The following KCNK10 variants were observed in gnomAD, a reference collection of about 807,000 sequenced individuals.
The protein encoded by KCNK10 is potassium two pore domain channel subfamily K member 10.
A neutral mutation model predicts 47.7 loss-of-function variants in KCNK10; 25 were observed. The observed-to-expected ratio is 0.52, with a 90% CI of 0.38 to 0.73. The LOEUF (loss-of-function observed/expected upper bound fraction) is 0.73. KCNK10 is among the 30% of genes least tolerant of loss of function. KCNK10 has a pLI of 0.00. For synonymous variants in KCNK10, 303 were observed against 285.6 expected, an observed-to-expected ratio of 1.06 and a Z score of -0.61; for missense variants, 563 against 714.5, an observed-to-expected ratio of 0.79 and a Z score of 2.42.
At chr14:88,198,195 C>A (rs866476574) in intron 4 of KCNK10, among the ~76,000 whole-genome samples, 3 of 152,282 alleles carry the variant, frequency 2.0e-5, no homozygotes, top group Middle Eastern at 6.8e-3. Flanking sequence ...GTCTCAGAGG[C>A]AGGAAAACTC....
chr14:88,295,529 G>A (rs868787888), intron 1 of KCNK10, among the ~76,000 whole-genome samples: 4 of 151,966 alleles, frequency 2.6e-5, no homozygotes, highest in African/African-American at 4.8e-5. Context: ...GCGTGGTGGC[G>A]GGCACCTGTA....
intron 1 of KCNK10, among the ~76,000 whole-genome samples, chr14:88,318,080 A>G (rs1314149930): frequency 2.0e-5 from 3 of 152,236 alleles, no homozygotes; most frequent in Non-Finnish European, 4.4e-5. Context: ...AAGAAGGAAA[A>G]CAGCGCACTG....
chr14:88,326,759 T>C, upstream of KCNK10: 1 of 367,694 alleles, frequency 2.7e-6, no homozygotes, highest in Non-Finnish European at 4.9e-6. Context: ...CTTTAATGAA[T>C]GCCGTGTGGC....
chr14:88,200,555 G>C (rs550687617), intron 4 of KCNK10, among the ~76,000 whole-genome samples: 1 of 152,246 alleles, frequency 6.6e-6, no homozygotes, highest in South Asian at 2.1e-4. Flanking sequence ...TAGATAAGAA[G>C]GAAATACAGC....
At chr14:88,213,919 A>AC (rs1885535191) in intron 4 of KCNK10, among the ~76,000 whole-genome samples, 1 of 94,444 alleles carries the variant, frequency 1.1e-5, no homozygotes, top group African/African-American at 4.6e-5. Context: ...TTTTTATTTT[A>AC]CTTTATTATT....
rs550568160 is a variant in KCNK10 at position 88,186,520 on chromosome 14, A to G, written c.1012-365T>C. Among the ~76,000 whole-genome samples the G allele has an allele frequency of 6.6e-6, 1 of 152,288 alleles. No homozygotes were observed. Among genetic ancestry groups the G allele is most frequent in the South Asian group, 2.1e-4 (1 of 4,822 alleles). ...TCAATTGCATGGCCTCATTCCCCCA[A>G]CATACACTTGAGTGACCATATATAG... On this transcript the variant is annotated intron_variant, in intron 6 of 6. Coordinates refer to ENST00000319231, the MANE Select transcript of KCNK10 (RefSeq NM_138317.3). This position sits in a 1 kb window ranked among gnomAD's most constrained non-coding sequence, Gnocchi z 5.5.
intron 3 of KCNK10, chr14:88,235,309 C>G (rs1049091052): frequency 4.4e-6 from 2 of 449,698 alleles, no homozygotes; most frequent in Non-Finnish European, 8.9e-6. Flanking sequence ...AGAAGTTGAC[C>G]CAGCATAAAT....
intron 4 of KCNK10, among the ~76,000 whole-genome samples, chr14:88,200,757 G>T (rs942788103): frequency 6.6e-6 from 1 of 152,090 alleles, no homozygotes; most frequent in Admixed American, 6.5e-5. Flanking sequence ...GTCAGATATT[G>T]AGCTAACTTC....
chr14:88,207,821 TG>T (rs1885331160), intron 4 of KCNK10, among the ~76,000 whole-genome samples: 1 of 152,056 alleles, frequency 6.6e-6, no homozygotes, highest in Non-Finnish European at 1.5e-5. Flanking sequence ...GTGAGATGAA[TG>T]TTATTCTTGG....
chr14:88,243,426 C>T (rs943495342), intron 2 of KCNK10, among the ~76,000 whole-genome samples: 2 of 152,180 alleles, frequency 1.3e-5, no homozygotes, highest in Non-Finnish European at 2.9e-5. Flanking sequence ...TGGCCCAAAG[C>T]GGATGGTTTT....
At position 88,186,259 on chromosome 14, in the gene KCNK10, T is replaced by A; in HGVS notation, c.1012-104A>T. On this transcript the variant is annotated intron_variant, in intron 6 of 6. Coordinates refer to ENST00000319231, the MANE Select transcript of KCNK10 (RefSeq NM_138317.3). This position sits in a 1 kb window ranked among gnomAD's most constrained non-coding sequence, Gnocchi z 5.5. ...GTGTCCCCACGGGGAGGCCAGGAGG[T>A]GACGGAGCACATGCCCAGGGGGAGG... The A allele has an allele frequency of 7.3e-7, 1 of 1,363,128 alleles. No individual in the cohort carries two copies. Among genetic ancestry groups the A allele is most frequent in the Non-Finnish European group, 9.8e-7 (1 of 1,023,104 alleles). 84.4% of individuals were successfully genotyped at this position (1,363,128 alleles called of 1,614,324 possible).
chr14:88,277,349 C>A (rs1887547187), intron 1 of KCNK10, among the ~76,000 whole-genome samples: 1 of 152,222 alleles, frequency 6.6e-6, no homozygotes, highest in South Asian at 2.1e-4. Flanking sequence ...CAGCATCACC[C>A]TCTGAGTAAT....
chr14:88,254,040 C>A (rs955017825), intron 2 of KCNK10, among the ~76,000 whole-genome samples: 4 of 152,092 alleles, frequency 2.6e-5, no homozygotes, highest in Non-Finnish European at 5.9e-5. Flanking sequence ...AGAGACCCCC[C>A]AAAAGGCTCA....
intron 1 of KCNK10, among the ~76,000 whole-genome samples, chr14:88,300,502 C>T (rs1888070298): frequency 6.6e-6 from 1 of 152,172 alleles, no homozygotes; most frequent in South Asian, 2.1e-4. Context: ...ACATATGTCC[C>T]ATAATATGAG....
At chr14:88,191,608 T>G (rs17124217) in intron 5 of KCNK10, among the ~76,000 whole-genome samples, 7,611 of 151,872 alleles carry the variant, frequency 0.05, 442 homozygotes, top group East Asian at 0.23. Flanking sequence ...GATGATTTTT[T>G]TTTCACTTCC....
At chr14:88,214,171 T>G (rs1885546006) in intron 4 of KCNK10, among the ~76,000 whole-genome samples, 1 of 152,028 alleles carries the variant, frequency 6.6e-6, no homozygotes, top group African/African-American at 2.4e-5. Context: ...ACTCCTGACC[T>G]CAGGTGATCC....
At position 88,215,669 on chromosome 14, in the gene KCNK10, T is replaced by C. The variant is rs188118875; in HGVS notation, c.681+11706A>G. The stretch of plus-strand genomic sequence containing the variant: ...AAAGGTTCTGGCATGCAGATGTTCA[T>C]GAATAACTTCCCACCCCAAAGTAAC... On this transcript the variant is annotated intron_variant, in intron 4 of 6. Coordinates refer to ENST00000319231, the MANE Select transcript of KCNK10 (RefSeq NM_138317.3). Among the ~76,000 whole-genome samples the C allele has an allele frequency of 7.4e-4, 113 of 152,196 alleles. 1 individual carries two copies. Among genetic ancestry groups the C allele is most frequent in the South Asian group, 3.3e-3 (16 of 4,818 alleles).
intron 4 of KCNK10, among the ~76,000 whole-genome samples, chr14:88,207,320 C>T (rs1222657297): frequency 1.3e-5 from 2 of 152,000 alleles, no homozygotes; most frequent in African/African-American, 4.8e-5. Flanking sequence ...CTACAGGGGC[C>T]CGCCATCGCG....
intron 1 of KCNK10, among the ~76,000 whole-genome samples, chr14:88,281,996 C>A: frequency 6.6e-6 from 1 of 152,086 alleles, no homozygotes; most frequent in Non-Finnish European, 1.5e-5. Context: ...CCAACACCTT[C>A]CCCACTAGAT....
Sources: gnomAD v4.1 joint callset for allele counts (sites outside exome capture counted in the v4.1 genomes callset) on GRCh38, gnomAD v4.1.1 for gene constraint, Gnocchi (gnomAD v3.1) non-coding constraint, MANE v1.5 for transcripts, NCBI Gene and HGNC (gene_info 2026-07-23, HGNC 2026-07-21) for gene names.